CRADD: variants seen among roughly 807,000 people sequenced by gnomAD.
The protein encoded by CRADD is CARD and death domain containing adaptor protein.
A neutral mutation model predicts 15.5 loss-of-function variants in CRADD; 9 were observed. The observed-to-expected ratio is 0.58, with a 90% CI of 0.35 to 1.01. The LOEUF is 1.01. Ranked by LOEUF, CRADD falls within the 50% of genes least tolerant of loss-of-function variation. The pLI is 0.02. For synonymous variants in CRADD, 118 were observed against 107.6 expected (o/e 1.10, Z -0.60); for missense variants, 227 against 250.3 (o/e 0.91, Z 0.63).
intron 2 of CRADD, among the ~76,000 whole-genome samples, chr12:93,726,335 C>T (rs1956367213): frequency 6.6e-6 from 1 of 152,076 alleles, no homozygotes; most frequent in Non-Finnish European, 1.5e-5. Flanking sequence ...AACTCCTGAC[C>T]TCAGGTGATC....
chr12:93,763,901 G>A (rs1277016303), intron 2 of CRADD, among the ~76,000 whole-genome samples: 2 of 152,156 alleles, frequency 1.3e-5, no homozygotes, highest in East Asian at 1.9e-4. Context: ...GTCTGCTGCC[G>A]CCTACCTGTG....
At chr12:93,768,255 G>A (rs999421179) in intron 2 of CRADD, among the ~76,000 whole-genome samples, 5 of 152,118 alleles carry the variant, frequency 3.3e-5, no homozygotes, top group African/African-American at 1.2e-4. Flanking sequence ...CAGAGTAGGT[G>A]GAACAACTGA....
intron 2 of CRADD, among the ~76,000 whole-genome samples, chr12:93,880,980 A>G (rs772923577): frequency 1.3e-5 from 2 of 152,248 alleles, no homozygotes; most frequent in African/African-American, 4.8e-5. Context: ...ACCCTTAGGC[A>G]AACACCAAAT....
At chr12:93,874,761 T>C (rs1958447084) in intron 2 of CRADD, among the ~76,000 whole-genome samples, 1 of 152,160 alleles carries the variant, frequency 6.6e-6, no homozygotes, top group Admixed American at 6.5e-5. Flanking sequence ...TCTAGTTTTA[T>C]TCCATTGTGA....
At chr12:93,714,410 G>T (rs554711179) in intron 2 of CRADD, 23 of 152,306 alleles carry the variant, frequency 1.5e-4, no homozygotes, top group African/African-American at 4.3e-4. Flanking sequence ...GTATTTTCCA[G>T]TTGAGGAGCT....
chr12:93,702,419 C>T (rs1416351853), intron 2 of CRADD, among the ~76,000 whole-genome samples: 1 of 151,880 alleles, frequency 6.6e-6, no homozygotes, highest in Non-Finnish European at 1.5e-5. Context: ...CCCACATCCA[C>T]CAGATTTCCC....
intron 2 of CRADD, among the ~76,000 whole-genome samples, chr12:93,782,469 G>A (rs1592985839): frequency 6.6e-6 from 1 of 151,908 alleles, no homozygotes; most frequent in East Asian, 1.9e-4. Flanking sequence ...TTGTGCACAT[G>A]TACCTTAAAA....
At chr12:93,730,040 A>G (rs1418213596) in intron 2 of CRADD, among the ~76,000 whole-genome samples, 1 of 152,214 alleles carries the variant, frequency 6.6e-6, no homozygotes, top group East Asian at 1.9e-4. Flanking sequence ...CTTTACTACT[A>G]CTATATCACT....
chr12:93,748,051 G>A (rs970560912), intron 2 of CRADD, among the ~76,000 whole-genome samples: 2 of 152,096 alleles, frequency 1.3e-5, no homozygotes, highest in African/African-American at 4.8e-5. Flanking sequence ...GTAAGTATAC[G>A]TTTATATAAA....
At chr12:93,877,056 C>T (rs1330869157) in intron 2 of CRADD, among the ~76,000 whole-genome samples, 1 of 152,198 alleles carries the variant, frequency 6.6e-6, no homozygotes, top group Non-Finnish European at 1.5e-5. Context: ...CACTGTGGTT[C>T]TTGTAGACTC....
intron 2 of CRADD, among the ~76,000 whole-genome samples, chr12:93,785,251 G>A (rs1344775178): frequency 1.3e-5 from 2 of 152,130 alleles, no homozygotes; most frequent in African/African-American, 2.4e-5. Flanking sequence ...GAGAAAGGAG[G>A]AGAAAATTTT....
chr12:93,753,610 C>A (rs1956855282), intron 2 of CRADD, among the ~76,000 whole-genome samples: 1 of 152,208 alleles, frequency 6.6e-6, no homozygotes, highest in Non-Finnish European at 1.5e-5. Flanking sequence ...GAGAAATTGG[C>A]CCAAACAAAG....
intron 2 of CRADD, among the ~76,000 whole-genome samples, chr12:93,845,552 T>C (rs1958103359): frequency 7.0e-6 from 1 of 142,326 alleles, no homozygotes; most frequent in Non-Finnish European, 1.5e-5. Flanking sequence ...AGCAAGACCC[T>C]GTCTCTATTA....
chr12:93,699,534 C>G (rs543987876), intron 2 of CRADD, among the ~76,000 whole-genome samples: 1 of 152,186 alleles, frequency 6.6e-6, no homozygotes, highest in Non-Finnish European at 1.5e-5. Flanking sequence ...GAAGCATTTG[C>G]CTTTTGTTCC....
intron 2 of CRADD, among the ~76,000 whole-genome samples, chr12:93,866,173 A>G (rs1958365859): frequency 3.3e-5 from 5 of 152,106 alleles, no homozygotes; most frequent in Admixed American, 3.3e-4. Flanking sequence ...TTATCTCACA[A>G]TGACTTTCAG....
At chr12:93,763,202 C>T (rs1482359100) in intron 2 of CRADD, among the ~76,000 whole-genome samples, 1 of 152,214 alleles carries the variant, frequency 6.6e-6, no homozygotes, top group Admixed American at 6.5e-5. Context: ...GACTTCTGAC[C>T]TGACCTTTTC....
intron 2 of CRADD, among the ~76,000 whole-genome samples, chr12:93,866,712 G>A (rs572352115): frequency 2.6e-5 from 4 of 152,280 alleles, no homozygotes; most frequent in Non-Finnish European, 5.9e-5. Flanking sequence ...TTATCAGGCT[G>A]AGCTGTTTGT....
intron 2 of CRADD, among the ~76,000 whole-genome samples, chr12:93,775,874 G>A (rs1957135261): frequency 6.6e-6 from 1 of 152,062 alleles, no homozygotes; most frequent in Non-Finnish European, 1.5e-5. Flanking sequence ...GGGTTTCAGA[G>A]GACTCTAGGA....
Position 93,843,747 on chromosome 12 carries a change from G to T in CRADD, c.299-6223G>T, listed in dbSNP as rs1047346963. 4.6e-5 allele frequency among the ~76,000 whole-genome samples: 7 copies of T among 151,514 alleles called. No homozygotes were observed. The East Asian group carries it at 7.8e-4, about 17-fold the overall frequency. On this transcript the variant is annotated intron_variant, in intron 2 of 2. Coordinates refer to ENST00000332896, the MANE Select transcript of CRADD (RefSeq NM_003805.5). ...TATTTATTTATTTATTTGAGAGGGA[G>T]TCTCTCTCTGTTGCCCAGGCTGGAG... is the stretch of plus-strand genomic sequence containing the variant.
Sources: allele counts gnomAD v4.1 joint callset (sites outside exome capture counted in the v4.1 genomes callset), GRCh38; gene constraint gnomAD v4.1.1; transcripts MANE v1.5; gene names NCBI Gene and HGNC (gene_info 2026-07-23, HGNC 2026-07-21).